The following NSF variants were observed in gnomAD, a reference collection of about 807,000 sequenced individuals.
NSF encodes the protein N-ethylmaleimide sensitive factor, vesicle fusing ATPase, also known as vesicle-fusing ATPase.
A neutral mutation model predicts 50.3 loss-of-function variants in NSF; 14 were observed. The ratio of observed to expected loss-of-function variants is 0.28; its 90% confidence interval spans 0.18 to 0.44. The LOEUF (loss-of-function observed/expected upper bound fraction) is 0.44, where lower values mean the gene tolerates loss of function less well. Among genes scored for constraint, NSF ranks in the 20% least tolerant of loss-of-function variants. NSF has a pLI of 1.00. For missense variants in NSF, 218 were observed against 504.3 expected (o/e 0.43, Z 5.44); for synonymous variants, 109 against 175.7 (o/e 0.62, Z 3.00).
intron 18 of NSF, among the ~76,000 whole-genome samples, chr17:46,750,271 T>C (rs1009874704): frequency 4.6e-5 from 7 of 152,208 alleles, no homozygotes; most frequent in African/African-American, 1.7e-4. Flanking sequence ...GAGAATCTCT[T>C]GAACCCAGGA....
chr17:46,692,272 G>A (rs1362392624), intron 9 of NSF, among the ~76,000 whole-genome samples: 1 of 114,222 alleles, frequency 8.8e-6, no homozygotes, highest in East Asian at 2.6e-4. Flanking sequence ...AAATCATTAT[G>A]CAGAAGAAAC....
chr17:46,752,372 G>A (rs1300209423), intron 19 of NSF, among the ~76,000 whole-genome samples: 1 of 152,134 alleles, frequency 6.6e-6, no homozygotes, highest in Non-Finnish European at 1.5e-5. Flanking sequence ...AGCCCTATGA[G>A]TTCAGAGACC....
In NSF at chr17:46,609,194, C is replaced by T. The variant is rs2057981144; in HGVS notation, c.13-15050C>T. On this transcript the variant is annotated intron_variant, in intron 1 of 20. Coordinates refer to ENST00000398238, the MANE Select transcript of NSF (RefSeq NM_006178.4). ...CCTCTTGACCTAACTGTTGGTTACC[C>T]TGGGTGTGTTCACTTGTAGAAATTC... Among the ~76,000 whole-genome samples, 4 of 148,252 alleles carry T rather than the reference C, an allele frequency of 2.7e-5. No homozygotes were observed. The South Asian group carries it at 8.3e-4, about 31-fold the overall frequency.
At chr17:46,740,304 G>T (rs1158538057) in intron 17 of NSF, among the ~76,000 whole-genome samples, 1 of 152,164 alleles carries the variant, frequency 6.6e-6, no homozygotes. Context: ...TGAGGGCAGG[G>T]TATGGTGAGA....
At chr17:46,635,445 A>G (rs2146159769) in intron 4 of NSF, among the ~76,000 whole-genome samples, 1 of 99,206 alleles carries the variant, frequency 1.0e-5, no homozygotes, top group Middle Eastern at 4.5e-3. Context: ...CTAGAATGTC[A>G]AAGTCATTGT....
rs919716947 is a variant in NSF, at chr17:46,752,772, CT to C, written c.2157+1165del. ...TGCCTGGCCCTCGGTAACTTTTTTT[CT>C]TTTTTTTTCTTTTGAGACGGAGTCT... On this transcript the variant is annotated intron_variant, in intron 19 of 20. Transcript: ENST00000398238. Among the ~76,000 whole-genome samples, 81 of 151,034 alleles carry C rather than the reference CT, an allele frequency of 5.4e-4. 1 individual carries two copies. The highest frequency in any genetic ancestry group is 1.9e-3 in the African/African-American group (77 of 41,166).
intron 17 of NSF, among the ~76,000 whole-genome samples, chr17:46,746,471 A>C (rs936291890): frequency 6.6e-6 from 1 of 152,146 alleles, no homozygotes; most frequent in Non-Finnish European, 1.5e-5. Context: ...AATTGAAATT[A>C]TTTTGGTTTC....
chr17:46,715,531 A>T (rs1171867544), intron 15 of NSF, among the ~76,000 whole-genome samples: 3 of 152,174 alleles, frequency 2.0e-5, no homozygotes, highest in Non-Finnish European at 4.4e-5. Context: ...GCAGATGGTA[A>T]ATTACTCCAT....
chr17:46,707,641 T>C (rs2058669111), intron 13 of NSF, among the ~76,000 whole-genome samples: 1 of 152,208 alleles, frequency 6.6e-6, no homozygotes, highest in Non-Finnish European at 1.5e-5. Context: ...AGTATTTGTC[T>C]TTTTGTAACT....
At chr17:46,718,703 TATAAGCC>T (rs1341980976) in intron 15 of NSF, among the ~76,000 whole-genome samples, 1 of 152,210 alleles carries the variant, frequency 6.6e-6, no homozygotes, top group African/African-American at 2.4e-5. Flanking sequence ...TCATTTAACC[TATAAGCC>T]ACTGTTTTCT....
At chr17:46,750,105 C>A (rs1366078546) in intron 18 of NSF, among the ~76,000 whole-genome samples, 198 bp downstream of exon 18, 1 of 152,178 alleles carries the variant, frequency 6.6e-6, no homozygotes, top group African/African-American at 2.4e-5. Flanking sequence ...GTAATCCCAG[C>A]ACTTTGGGAG....
intron 17 of NSF, among the ~76,000 whole-genome samples, chr17:46,737,584 TG>T (rs575487074): frequency 1.5e-3 from 227 of 151,808 alleles, no homozygotes; most frequent in African/African-American, 5.3e-3. Context: ...TGTGTGTGTG[TG>T]TGTGTGTGTG....
At chr17:46,734,312 A>G (rs563453087) in intron 17 of NSF, among the ~76,000 whole-genome samples, 8 of 152,192 alleles carry the variant, frequency 5.3e-5, no homozygotes, top group Non-Finnish European at 1.0e-4. Context: ...CACTTTAGGA[A>G]AGAGGCTTAG....
intron 15 of NSF, among the ~76,000 whole-genome samples, chr17:46,725,571 G>GT (rs1217299263): frequency 6.6e-6 from 1 of 152,156 alleles, no homozygotes; most frequent in African/African-American, 2.4e-5. Flanking sequence ...TACACAGGTT[G>GT]TTTTTAAACC....
intron 15 of NSF, among the ~76,000 whole-genome samples, chr17:46,726,090 C>G (rs1178701529): frequency 6.6e-6 from 1 of 152,132 alleles, no homozygotes; most frequent in African/African-American, 2.4e-5. Flanking sequence ...AGCTCTTTTA[C>G]CATTATGGTC....
chr17:46,733,532 T>C (rs768065814), intron 17 of NSF, among the ~76,000 whole-genome samples: 2 of 152,180 alleles, frequency 1.3e-5, no homozygotes, highest in Non-Finnish European at 2.9e-5. Flanking sequence ...TGTAACAGGG[T>C]AGCCTCGTAA....
chr17:46,726,726 C>T, intron 16 of NSF, 111 bp downstream of exon 16: 4 of 949,158 alleles, frequency 4.2e-6, no homozygotes, highest in Admixed American at 3.5e-5. Flanking sequence ...AATAGAAATA[C>T]CTTTCTTTGT....
At chr17:46,688,344 CTAAAAA>C (rs976349429) in intron 9 of NSF, among the ~76,000 whole-genome samples, 1 of 148,416 alleles carries the variant, frequency 6.7e-6, no homozygotes, top group African/African-American at 2.6e-5. Flanking sequence ...GACCTTATCT[CTAAAAA>C]TAAAAATAAA....
chr17:46,711,190 C>A, intron 14 of NSF, 71 bp downstream of exon 14: 1 of 1,347,640 alleles, frequency 7.4e-7, no homozygotes, highest in Non-Finnish European at 9.7e-7. Flanking sequence ...AGCCCGTAAG[C>A]ACATTCTAGA....
Sources: gnomAD v4.1 joint callset for allele counts (sites outside exome capture counted in the v4.1 genomes callset) on GRCh38, gnomAD v4.1.1 for gene constraint, MANE v1.5 for transcripts, NCBI Gene and HGNC (gene_info 2026-07-23, HGNC 2026-07-21) for gene names.